The following PACRG variants were observed in gnomAD, a reference collection of about 807,000 sequenced individuals.
PACRG encodes parkin coregulated gene protein.
In PACRG, 29 loss-of-function variants were observed where a neutral mutation model predicts 29.7. That is an observed-to-expected ratio of 0.98 (90% CI 0.73 to 1.33). The LOEUF (loss-of-function observed/expected upper bound fraction) is 1.33, where lower values mean the gene tolerates loss of function less well. Ranked by LOEUF, PACRG falls within the 40% of genes most tolerant of loss-of-function variation. The probability of loss-of-function intolerance (pLI) is 0.00; values close to 1 mark genes in which losing one functional copy is unlikely to be tolerated. For synonymous variants in PACRG, 116 were observed against 118.7 expected (o/e 0.98, Z 0.15); for missense variants, 279 against 316.2 (o/e 0.88, Z 0.89).
At chr6:162,837,328 C>T (rs1019324119) in intron 2 of PACRG, among the ~76,000 whole-genome samples, 3 of 152,074 alleles carry the variant, frequency 2.0e-5, no homozygotes, top group African/African-American at 4.8e-5. Context: ...TGGGTTGTCA[C>T]CAGCATGCAT....
chr6:162,749,380 A>G (rs1173368836), intron 1 of PACRG, among the ~76,000 whole-genome samples: 2 of 152,234 alleles, frequency 1.3e-5, no homozygotes, highest in African/African-American at 4.8e-5. Context: ...TATTAATGGC[A>G]ATAACAAGAA....
chr6:163,019,889 C>T (rs541463814), intron 2 of PACRG, among the ~76,000 whole-genome samples: 3 of 152,202 alleles, frequency 2.0e-5, no homozygotes, highest in African/African-American at 7.2e-5. Context: ...AAACAGACTC[C>T]CAGGCTAAAA....
At chr6:162,973,690 A>G (rs1801714997) in intron 2 of PACRG, among the ~76,000 whole-genome samples, 4 of 152,194 alleles carry the variant, frequency 2.6e-5, no homozygotes. Context: ...CATTGTTTCA[A>G]TAAAGAAGAA....
intron 2 of PACRG, among the ~76,000 whole-genome samples, chr6:162,986,272 G>T (rs183527858): frequency 5.2e-4 from 79 of 152,156 alleles, no homozygotes; most frequent in African/African-American, 1.9e-3. Context: ...TAAGCAAAAA[G>T]AACAAATCTG....
intron 2 of PACRG, among the ~76,000 whole-genome samples, chr6:163,056,704 G>A (rs1163035405): frequency 6.6e-6 from 1 of 152,136 alleles, no homozygotes; most frequent in East Asian, 1.9e-4. Context: ...TCTTATACGA[G>A]GAGGAATAGA....
chr6:162,746,885 C>G (rs1381938270), intron 1 of PACRG, among the ~76,000 whole-genome samples: 1 of 152,308 alleles, frequency 6.6e-6, no homozygotes, highest in South Asian at 2.1e-4. Flanking sequence ...GGACCCTTCT[C>G]TGTATCACAC....
chr6:163,244,955 G>GAAGTGA (rs1782638911), intron 4 of PACRG: 1 of 419,352 alleles, frequency 2.4e-6, no homozygotes, highest in Non-Finnish European at 4.7e-6. Context: ...CATCGACAAA[G>GAAGTGA]AAGTGAATTG....
intron 1 of PACRG, among the ~76,000 whole-genome samples, chr6:162,802,217 G>A (rs560487550): frequency 8.6e-5 from 13 of 152,044 alleles, no homozygotes; most frequent in South Asian, 6.2e-4. Context: ...TTCCCCGCTC[G>A]TACTAAACCT....
chr6:163,211,339 G>C (rs1781131084), intron 4 of PACRG, among the ~76,000 whole-genome samples: 1 of 152,090 alleles, frequency 6.6e-6, no homozygotes, highest in African/African-American at 2.4e-5. Context: ...TTACCATATG[G>C]TAAAGTCACT....
chr6:163,070,359 TAGAC>T (rs569517853), intron 3 of PACRG, among the ~76,000 whole-genome samples: 9 of 151,968 alleles, frequency 5.9e-5, no homozygotes, highest in Middle Eastern at 3.4e-3. Flanking sequence ...TTTCAAGACA[TAGAC>T]AGTATAATAA....
At chr6:162,984,908 A>C (rs564583648) in intron 2 of PACRG, among the ~76,000 whole-genome samples, 2 of 150,440 alleles carry the variant, frequency 1.3e-5, no homozygotes, top group South Asian at 4.2e-4. Context: ...CTGGATATTC[A>C]TCCTTTGTTG....
At chr6:163,314,700 G>A (rs2128195305) in intron 4 of PACRG, 127 bp from the exon 5 acceptor site, 1 of 1,068,368 alleles carries the variant, frequency 9.4e-7, no homozygotes, top group East Asian at 2.8e-5. Flanking sequence ...AACTCCGCAA[G>A]ATCGTGTAAA....
chr6:163,287,027 CGT>C (rs140579769), intron 4 of PACRG, among the ~76,000 whole-genome samples: 17 of 150,768 alleles, frequency 1.1e-4, no homozygotes, highest in South Asian at 2.1e-4. Flanking sequence ...TGTGTATGTG[CGT>C]GTGTGTGTGT....
At chr6:163,197,671 G>T (rs1173996791) in intron 4 of PACRG, among the ~76,000 whole-genome samples, 1 of 151,522 alleles carries the variant, frequency 6.6e-6, no homozygotes, top group East Asian at 1.9e-4. Flanking sequence ...GGATTGTCTC[G>T]ATCTTCTGAC....
chr6:162,984,779 A>C (rs542782525), intron 2 of PACRG, among the ~76,000 whole-genome samples: 1 of 150,364 alleles, frequency 6.7e-6, no homozygotes, highest in Non-Finnish European at 1.5e-5. Flanking sequence ...GCAATTTTTC[A>C]TATGCTTGGT....
chr6:162,784,893 A>C (rs976214708), intron 1 of PACRG, among the ~76,000 whole-genome samples: 1 of 152,150 alleles, frequency 6.6e-6, no homozygotes, highest in African/African-American at 2.4e-5. Flanking sequence ...GTTTTCAAGC[A>C]CAGAAAAATG....
chr6:163,195,157 C>T (rs1026100559), intron 4 of PACRG, among the ~76,000 whole-genome samples: 6 of 152,178 alleles, frequency 3.9e-5, no homozygotes, highest in Non-Finnish European at 5.9e-5. Context: ...CCTCTTTATC[C>T]CCCCATAACA....
intron 4 of PACRG, among the ~76,000 whole-genome samples, chr6:163,271,439 G>A (rs1783829334): frequency 1.3e-5 from 2 of 152,126 alleles, no homozygotes; most frequent in Non-Finnish European, 2.9e-5. Context: ...TCTGGAAATT[G>A]AGCCATAGTT....
intron 3 of PACRG, 23 bp from the exon 4 acceptor site, chr6:163,089,235 CT>C (rs1813872582): frequency 6.2e-7 from 1 of 1,602,970 alleles, no homozygotes; most frequent in African/African-American, 1.3e-5. Context: ...ATATTTTCTG[CT>C]TGGTCCTTCT....
Sources: allele counts gnomAD v4.1 joint callset (sites outside exome capture counted in the v4.1 genomes callset), GRCh38; gene constraint gnomAD v4.1.1; transcripts MANE v1.5; gene names NCBI Gene and HGNC (gene_info 2026-07-23, HGNC 2026-07-21).